The following NCALD variants were observed in gnomAD, a reference collection of about 807,000 sequenced individuals.
NCALD encodes the protein neurocalcin delta.
NCALD carries 10 observed loss-of-function variants against 18.6 expected under a neutral mutation model. The observed-to-expected ratio is 0.54, with a 90% CI of 0.33 to 0.91. The LOEUF (loss-of-function observed/expected upper bound fraction) is 0.91. NCALD is among the 40% of genes least tolerant of loss of function. The pLI is 0.03. For missense variants in NCALD, 184 were observed against 247.6 expected, an observed-to-expected ratio of 0.74 and a Z score of 1.72; for synonymous variants, 88 against 87.4, an observed-to-expected ratio of 1.01 and a Z score of -0.04.
chr8:102,070,586 C>A (rs910173421), intron 1 of NCALD, among the ~76,000 whole-genome samples: 3 of 152,220 alleles, frequency 2.0e-5, no homozygotes, highest in African/African-American at 4.8e-5. Flanking sequence ...AAATGTCTAA[C>A]AGCATATCTG....
intron 1 of NCALD, among the ~76,000 whole-genome samples, chr8:102,036,151 T>TAAATAAATAAATA (rs1563562300): frequency 6.7e-6 from 1 of 148,796 alleles, no homozygotes; most frequent in Non-Finnish European, 1.5e-5. Flanking sequence ...ATAAATTAAT[T>TAAATAAATAAATA]AATTAATTAA....
At chr8:101,768,232 G>A (rs905023156) in intron 1 of NCALD, among the ~76,000 whole-genome samples, 8 of 152,174 alleles carry the variant, frequency 5.3e-5, no homozygotes, top group Non-Finnish European at 2.9e-5. Flanking sequence ...GAAAATGTCA[G>A]TCTAGTGCCC....
At chr8:101,917,024 T>C (rs1246897055) in intron 2 of NCALD, among the ~76,000 whole-genome samples, 1 of 152,054 alleles carries the variant, frequency 6.6e-6, no homozygotes, top group Admixed American at 6.6e-5. Context: ...GAATACTCCA[T>C]CCATCAAGTA....
intron 1 of NCALD, among the ~76,000 whole-genome samples, chr8:101,722,448 G>A (rs1816404556): frequency 6.6e-6 from 1 of 152,158 alleles, no homozygotes; most frequent in South Asian, 2.1e-4. Flanking sequence ...GTAATTTCAA[G>A]TTTTCCTTTT....
At chr8:101,993,147 G>GC (rs1821112874) in intron 2 of NCALD, among the ~76,000 whole-genome samples, 1 of 145,862 alleles carries the variant, frequency 6.9e-6, no homozygotes, top group Non-Finnish European at 1.5e-5. Flanking sequence ...TCACTCTACA[G>GC]GAAAAAAAAA....
At chr8:102,056,458 T>C (rs149751561) in intron 1 of NCALD, among the ~76,000 whole-genome samples, 4 of 152,358 alleles carry the variant, frequency 2.6e-5, no homozygotes, top group African/African-American at 9.6e-5. Context: ...TACATTTCAA[T>C]AGTAATAACT....
chr8:101,974,822 G>A (rs563497128), intron 2 of NCALD, among the ~76,000 whole-genome samples: 8 of 152,246 alleles, frequency 5.3e-5, no homozygotes, highest in African/African-American at 1.7e-4. Context: ...CCTTAGTTAT[G>A]CCAGAAAGGA....
intron 2 of NCALD, among the ~76,000 whole-genome samples, chr8:101,917,182 A>G (rs1419221365): frequency 2.6e-5 from 4 of 152,016 alleles, no homozygotes; most frequent in Non-Finnish European, 5.9e-5. Context: ...ATAGAAATAA[A>G]CTCCAAGATC....
chr8:102,078,189 C>T (rs523474), intron 1 of NCALD, among the ~76,000 whole-genome samples: 127,406 of 152,042 alleles, frequency 0.84, 54,020 homozygotes, highest in African/African-American at 0.96. Context: ...TTTATCTCTT[C>T]TTTTTATCAC....
chr8:101,945,800 A>T (rs544840915), intron 2 of NCALD, among the ~76,000 whole-genome samples: 4 of 152,250 alleles, frequency 2.6e-5, no homozygotes, highest in Admixed American at 1.3e-4. Flanking sequence ...TAGAGAACCT[A>T]TCTCCTGCCA....
chr8:101,840,531 A>G (rs1256570765), intron 4 of NCALD, among the ~76,000 whole-genome samples: 1 of 152,216 alleles, frequency 6.6e-6, no homozygotes, highest in Non-Finnish European at 1.5e-5. Context: ...AATATCAAAC[A>G]TGATGAAACT....
intron 4 of NCALD, among the ~76,000 whole-genome samples, chr8:101,864,465 G>GGA (rs950921065): frequency 6.6e-6 from 1 of 152,076 alleles, no homozygotes; most frequent in South Asian, 2.1e-4. Flanking sequence ...AGAGAGATCT[G>GGA]GAGAGAGAGA....
intron 4 of NCALD, among the ~76,000 whole-genome samples, chr8:101,868,367 T>C (rs1395713952): frequency 6.6e-6 from 1 of 152,156 alleles, no homozygotes; most frequent in African/African-American, 2.4e-5. Flanking sequence ...TCAATTGGTC[T>C]GAGCTGAAGC....
chr8:101,715,514 T>A (rs371513792), intron 2 of NCALD, among the ~76,000 whole-genome samples: 1 of 152,034 alleles, frequency 6.6e-6, no homozygotes, highest in African/African-American at 2.4e-5. Context: ...AAAGAAACTA[T>A]CATCAGAGTG....
chr8:101,908,301 C>A (rs1328955299), intron 3 of NCALD, among the ~76,000 whole-genome samples: 1 of 152,172 alleles, frequency 6.6e-6, no homozygotes, highest in African/African-American at 2.4e-5. Flanking sequence ...TTTACACAGG[C>A]TCTTCTTCCA....
chr8:101,861,124 C>A (rs1005724891), intron 4 of NCALD, among the ~76,000 whole-genome samples: 2 of 152,082 alleles, frequency 1.3e-5, no homozygotes, highest in Admixed American at 1.3e-4. Context: ...CAGCTCAGTG[C>A]GTCTGTTTAG....
At chr8:102,010,245 G>C (rs1218476148) in intron 2 of NCALD, among the ~76,000 whole-genome samples, 1 of 152,206 alleles carries the variant, frequency 6.6e-6, no homozygotes, top group Non-Finnish European at 1.5e-5. Flanking sequence ...TTGCATACTT[G>C]CAACATATTT....
chr8:101,821,051 C>T (rs938490321), intron 4 of NCALD, among the ~76,000 whole-genome samples: 12 of 152,190 alleles, frequency 7.9e-5, no homozygotes, highest in Admixed American at 6.5e-5. Context: ...CACAAGTACA[C>T]ACACGCATAT....
intron 2 of NCALD, among the ~76,000 whole-genome samples, chr8:101,702,448 T>G (rs1364707788): frequency 1.3e-5 from 2 of 152,054 alleles, no homozygotes; most frequent in African/African-American, 2.4e-5. Flanking sequence ...CAGGCTGGTC[T>G]GAAACTCCTG....
Sources: allele counts gnomAD v4.1 joint callset (sites outside exome capture counted in the v4.1 genomes callset), GRCh38; gene constraint gnomAD v4.1.1; transcripts MANE v1.5; gene names NCBI Gene and HGNC (gene_info 2026-07-23, HGNC 2026-07-21).